ARL8B: variants seen among roughly 807,000 people sequenced by gnomAD.
ARL8B encodes the protein ADP-ribosylation factor-like protein 8B.
In ARL8B, 9 loss-of-function variants were observed where a neutral mutation model predicts 30.6. The observed-to-expected ratio is 0.29, with a 90% CI of 0.18 to 0.51. The LOEUF (loss-of-function observed/expected upper bound fraction) is 0.51. Among genes scored for constraint, ARL8B ranks in the 20% least tolerant of loss-of-function variants. ARL8B has a pLI of 0.97. For missense variants in ARL8B, 130 were observed against 227.2 expected, an observed-to-expected ratio of 0.57 and a Z score of 2.75; for synonymous variants, 74 against 76.0, an observed-to-expected ratio of 0.97 and a Z score of 0.14.
chr3:5,171,263 A>T (rs1227699314), intron 2 of ARL8B, among the ~76,000 whole-genome samples: 1 of 152,222 alleles, frequency 6.6e-6, no homozygotes, highest in Non-Finnish European at 1.5e-5. Context: ...ACTTTAATGT[A>T]GCCCAGTGTC....
chr3:5,175,045 A>T (rs2054716564), intron 6 of ARL8B, among the ~76,000 whole-genome samples: 3 of 151,812 alleles, frequency 2.0e-5, no homozygotes, highest in Admixed American at 2.0e-4. Context: ...AAATGATCCA[A>T]CTGCCTCGGC....
rs6776543 is a variant in ARL8B, at chr3:5,124,423, A to G, written c.123+1835A>G. 5.2e-3 allele frequency among the ~76,000 whole-genome samples: 786 copies of G among 151,840 alleles called. 11 individuals are homozygous for G. The highest frequency in any genetic ancestry group is 0.018 in the African/African-American group (735 of 41,422). ...TCCTGGCCTAATACCACTAAAATTA[A>G]TGAGGAAACATGAACTTCGGGTTAC... is the stretch of plus-strand genomic sequence containing the variant. On this transcript the variant is annotated intron_variant, in intron 1 of 6. Transcript: ENST00000256496.
intron 6 of ARL8B, among the ~76,000 whole-genome samples, chr3:5,177,743 C>T (rs550223106): frequency 2.0e-5 from 3 of 152,248 alleles, no homozygotes; most frequent in South Asian, 2.1e-4. Flanking sequence ...TGTGAGCCAC[C>T]GTGCCCGGCC....
intron 1 of ARL8B, among the ~76,000 whole-genome samples, chr3:5,149,093 C>A (rs1396691079): frequency 6.6e-6 from 1 of 152,196 alleles, no homozygotes; most frequent in African/African-American, 2.4e-5. Context: ...TCCGCACTTG[C>A]TTCATATCTA....
At position 5,152,632 on chromosome 3, in the gene ARL8B, C is replaced by T. The variant is rs79537663; in HGVS notation, c.124-17871C>T. On this transcript the variant is annotated intron_variant, in intron 1 of 6. Transcript: ENST00000256496. ...TTTGAGTAGCTTGGGACTAAGGGCG[C>T]GTGCCGCCACACCTAGCTAATTTTT... Among the ~76,000 whole-genome samples the T allele has an allele frequency of 4.2e-3, 646 of 152,308 alleles. 18 individuals carry two copies. In the East Asian group the frequency reaches 0.048, roughly 11 times the overall value.
chr3:5,159,916 A>G (rs966894194), intron 1 of ARL8B, among the ~76,000 whole-genome samples: 40 of 152,296 alleles, frequency 2.6e-4, no homozygotes, highest in African/African-American at 9.4e-4. Context: ...AAAAGTTTTT[A>G]TGTTAGAAAC....
chr3:5,159,755 T>C (rs995204659), intron 1 of ARL8B, among the ~76,000 whole-genome samples: 1 of 152,064 alleles, frequency 6.6e-6, no homozygotes, highest in Non-Finnish European at 1.5e-5. Context: ...AAAGAAACTT[T>C]TTTACAGTTT....
intron 2 of ARL8B, chr3:5,170,788 G>C (rs1056722153): frequency 5.9e-5 from 26 of 440,466 alleles, no homozygotes; most frequent in Admixed American, 1.2e-4. Flanking sequence ...CTGGAGTGCA[G>C]TGTCGCGATC....
At chr3:5,146,841 A>G (rs1347009593) in intron 1 of ARL8B, among the ~76,000 whole-genome samples, 1 of 152,070 alleles carries the variant, frequency 6.6e-6, no homozygotes, top group Non-Finnish European at 1.5e-5. Context: ...TCCTTGGTTC[A>G]GTACCCCTTG....
chr3:5,175,381 G>T (rs1332037439), intron 6 of ARL8B, among the ~76,000 whole-genome samples: 1 of 152,068 alleles, frequency 6.6e-6, no homozygotes, highest in East Asian at 1.9e-4. Context: ...AATTTATTGT[G>T]TTAATTTTTG....
At chr3:5,145,078 A>G (rs977978806) in intron 1 of ARL8B, among the ~76,000 whole-genome samples, 2 of 123,846 alleles carry the variant, frequency 1.6e-5, no homozygotes, top group African/African-American at 8.4e-5. Context: ...TAGCATAACC[A>G]TTATCTCTCT....
At chr3:5,136,353 A>G (rs1224303292) in intron 1 of ARL8B, among the ~76,000 whole-genome samples, 1 of 152,230 alleles carries the variant, frequency 6.6e-6, no homozygotes, top group Non-Finnish European at 1.5e-5. Context: ...CTGAAATTCA[A>G]TTCCAATTCA....
intron 1 of ARL8B, among the ~76,000 whole-genome samples, chr3:5,145,966 A>G (rs1483866605): frequency 3.3e-5 from 5 of 152,148 alleles, no homozygotes; most frequent in African/African-American, 9.7e-5. Context: ...GGAAATTATT[A>G]TAGTGGTTTC....
intron 1 of ARL8B, among the ~76,000 whole-genome samples, chr3:5,136,303 TAAAC>T (rs1324862695): frequency 5.3e-5 from 8 of 152,200 alleles, no homozygotes; most frequent in Non-Finnish European, 8.8e-5. Context: ...TTATGTAAGA[TAAAC>T]AAAGATTAAG....
rs529934420 is a variant in ARL8B at position 5,174,910 on chromosome 3, C to G, written c.511+496C>G. Among the ~76,000 whole-genome samples, 17 of 151,912 alleles carry G rather than the reference C, an allele frequency of 1.1e-4. No homozygotes were observed. The South Asian group carries it at 1.7e-3, about 15-fold the overall frequency. On this transcript the variant is annotated intron_variant, in intron 6 of 6. Coordinates refer to ENST00000256496, the MANE Select transcript of ARL8B (RefSeq NM_018184.3). ...CTCTGCCTCCTGGGTTAAAGCGATTCTTGTGCCTCAGCCTCCTGAGTAGCT... is the reference window on the plus strand; with the variant it reads ...CTCTGCCTCCTGGGTTAAAGCGATTGTTGTGCCTCAGCCTCCTGAGTAGCT...
At chr3:5,161,797 A>G (rs1358886776) in intron 1 of ARL8B, among the ~76,000 whole-genome samples, 1 of 152,224 alleles carries the variant, frequency 6.6e-6, no homozygotes, top group Non-Finnish European at 1.5e-5. Flanking sequence ...GTTAGTCCTT[A>G]GGGGCTTAAA....
intron 1 of ARL8B, among the ~76,000 whole-genome samples, chr3:5,150,005 C>T (rs1365175938): frequency 6.6e-6 from 1 of 152,082 alleles, no homozygotes; most frequent in Non-Finnish European, 1.5e-5. Flanking sequence ...TGTTAAGTAT[C>T]TTATATCATT....
intron 1 of ARL8B, among the ~76,000 whole-genome samples, chr3:5,147,224 G>C (rs919766361): frequency 1.3e-5 from 2 of 152,068 alleles, no homozygotes; most frequent in Non-Finnish European, 2.9e-5. Flanking sequence ...CTGTGTCCAG[G>C]TGTTCTCATT....
intron 1 of ARL8B, among the ~76,000 whole-genome samples, chr3:5,125,258 G>A (rs556066220): frequency 4.6e-5 from 7 of 152,300 alleles, no homozygotes; most frequent in Admixed American, 2.6e-4. Flanking sequence ...GGGATAGGTA[G>A]ATGGTAACTG....
Sources: allele counts gnomAD v4.1 joint callset (sites outside exome capture counted in the v4.1 genomes callset), GRCh38; gene constraint gnomAD v4.1.1; transcripts MANE v1.5; gene names NCBI Gene and HGNC (gene_info 2026-07-23, HGNC 2026-07-21).